Variants in UBAP2 observed in about 807,000 individuals in gnomAD.
The protein encoded by UBAP2 is ubiquitin associated protein 2.
A neutral mutation model predicts 139.6 loss-of-function variants in UBAP2; 75 were observed. That is an observed-to-expected ratio of 0.54 (90% confidence interval 0.45 to 0.65). The LOEUF is 0.65. UBAP2 is among the 30% of genes least tolerant of loss of function. The probability of loss-of-function intolerance (pLI) is 0.00; values close to 1 mark genes in which losing one functional copy is unlikely to be tolerated. For synonymous variants in UBAP2, 526 were observed against 526.2 expected (o/e 1.00, Z 0.01); for missense variants, 1,368 against 1,369.6 (o/e 1.00, Z 0.02).
chr9:33,922,730 GGCT>G lies in UBAP2; in HGVS notation c.3218_3220del (p.Gln1073del). ...GTGGTGGTGCAGCAGCTGTGAGTGGGGCTGCTGGTGGGCTGGCAAGATGTGTAG... is the reference window on the plus strand; with the variant it reads ...GTGGTGGTGCAGCAGCTGTGAGTGGGGCTGGTGGGCTGGCAAGATGTGTAG... On this transcript the variant is annotated inframe_deletion, in exon 28 of 29. Transcript: ENST00000379238. 6.4e-7 allele frequency: 1 copy of G among 1,552,354 alleles called. No homozygotes were observed. Among genetic ancestry groups the G allele is most frequent in the Non-Finnish European group, 8.7e-7 (1 of 1,150,046 alleles).
At chr9:33,939,165 A>G (rs1456125862) in intron 16 of UBAP2, among the ~76,000 whole-genome samples, 5 of 149,704 alleles carry the variant, frequency 3.3e-5, no homozygotes, top group Admixed American at 6.7e-5. Flanking sequence ...ACATAGCTTA[A>G]TAACATTATT....
In UBAP2 at chr9:33,958,891, G is replaced by A. The variant is rs555713757; in HGVS notation, c.798+1935C>T. ...AGGCCGGGCGCAGTGGCTCATGCCT[G>A]TAATCCCAGACCTTTGAGAAGCCAA... On this transcript the variant is annotated intron_variant, in intron 10 of 28. Transcript: ENST00000379238. Among the ~76,000 whole-genome samples the A allele has an allele frequency of 1.8e-4, 28 of 151,846 alleles. 1 individual carries two copies. Among genetic ancestry groups the A allele is most frequent in the African/African-American group, 6.3e-4 (26 of 41,462 alleles).
intron 10 of UBAP2, among the ~76,000 whole-genome samples, chr9:33,958,616 C>T (rs1826763098): frequency 1.3e-5 from 2 of 150,876 alleles, no homozygotes; most frequent in Admixed American, 1.3e-4. Context: ...CCACGTTGGC[C>T]AGGCTTGTCT....
chr9:34,024,793 G>A (rs890066661), intron 1 of UBAP2, among the ~76,000 whole-genome samples: 1 of 152,158 alleles, frequency 6.6e-6, no homozygotes, highest in East Asian at 1.9e-4. Flanking sequence ...AGACCAGCCT[G>A]GCAAACATGG....
chr9:33,965,070 T>C (rs1011302507), intron 8 of UBAP2, among the ~76,000 whole-genome samples: 7 of 152,218 alleles, frequency 4.6e-5, no homozygotes, highest in African/African-American at 9.6e-5. Context: ...TAAATGCAAA[T>C]ATTTTGCTTT....
chr9:33,928,118 G>T, intron 19 of UBAP2, 126 bp from the exon 20 acceptor site: 1 of 1,010,058 alleles, frequency 9.9e-7, no homozygotes, highest in Non-Finnish European at 1.4e-6. Flanking sequence ...TAACCACCCA[G>T]GCTCCCTTAA....
At chr9:33,990,826 G>A (rs182497518) in intron 4 of UBAP2, among the ~76,000 whole-genome samples, 88 of 151,804 alleles carry the variant, frequency 5.8e-4, no homozygotes, top group African/African-American at 1.9e-3. Flanking sequence ...TAGTAGAGAC[G>A]GGGTTTCACC....
intron 8 of UBAP2, among the ~76,000 whole-genome samples, chr9:33,966,580 A>G (rs1412578864): frequency 6.6e-6 from 1 of 152,228 alleles, no homozygotes; most frequent in African/African-American, 2.4e-5. Flanking sequence ...TGAGTCTTCT[A>G]ATTCATGAAC....
At chr9:34,004,438 T>G (rs1002538350) in intron 2 of UBAP2, among the ~76,000 whole-genome samples, 1 of 151,516 alleles carries the variant, frequency 6.6e-6, no homozygotes, top group South Asian at 2.1e-4. Flanking sequence ...TGAGCCAAGA[T>G]GGCGCCACTG....
intron 8 of UBAP2, chr9:33,968,201 G>A (rs1827616218): frequency 4.9e-6 from 3 of 615,418 alleles, no homozygotes; most frequent in Middle Eastern, 2.8e-4. Flanking sequence ...TGGTGCATTC[G>A]ATTGGTACAG....
intron 10 of UBAP2, among the ~76,000 whole-genome samples, chr9:33,959,952 C>G (rs2131004194): frequency 6.6e-6 from 1 of 152,062 alleles, no homozygotes; most frequent in Non-Finnish European, 1.5e-5. Context: ...TGTTTGTTTG[C>G]TTTAAGATGG....
At chr9:33,982,586 T>C (rs887769610) in intron 6 of UBAP2, among the ~76,000 whole-genome samples, 2 of 152,138 alleles carry the variant, frequency 1.3e-5, no homozygotes, top group Non-Finnish European at 2.9e-5. Flanking sequence ...CCGGTATATA[T>C]ACTGATGAGA....
chr9:33,949,725 A>ACG (rs1184263489), intron 12 of UBAP2, among the ~76,000 whole-genome samples: 3 of 152,088 alleles, frequency 2.0e-5, no homozygotes, highest in African/African-American at 7.2e-5. Context: ...GCGCGCATGC[A>ACG]CGCGCACACA....
chr9:34,048,349 G>C (rs1204510840), intron 1 of UBAP2, among the ~76,000 whole-genome samples: 1 of 152,184 alleles, frequency 6.6e-6, no homozygotes, highest in African/African-American at 2.4e-5. Flanking sequence ...GTGACTCCGG[G>C]TAAGCCAGGA....
At chr9:33,943,218 C>G (rs1408198764) in intron 15 of UBAP2, among the ~76,000 whole-genome samples, 2 of 152,122 alleles carry the variant, frequency 1.3e-5, no homozygotes, top group Non-Finnish European at 2.9e-5. Flanking sequence ...GTAGGCAAAT[C>G]CAGAGACAGA....
At chr9:33,968,534 G>GC (rs1246348170) in intron 8 of UBAP2, 3 of 426,444 alleles carry the variant, frequency 7.0e-6, no homozygotes, top group Non-Finnish European at 1.4e-5. Context: ...GGAATCAAGG[G>GC]CCATTATCAG....
At chr9:33,923,338 T>G in intron 25 of UBAP2, 41 bp downstream of exon 25, 5 of 1,614,040 alleles carry the variant, frequency 3.1e-6, no homozygotes, top group Non-Finnish European at 3.4e-6. Context: ...CAGGCAAGCC[T>G]GTCTAACCCC....
intron 18 of UBAP2, among the ~76,000 whole-genome samples, 200 bp downstream of exon 18, chr9:33,933,290 G>A (rs952494621): frequency 6.6e-6 from 1 of 152,144 alleles, no homozygotes; most frequent in Admixed American, 6.5e-5. Context: ...CAGCAGAGGC[G>A]GTACAAGCAG....
At chr9:34,038,728 C>A (rs1236321265) in intron 1 of UBAP2, among the ~76,000 whole-genome samples, 1 of 152,110 alleles carries the variant, frequency 6.6e-6, no homozygotes, top group African/African-American at 2.4e-5. Context: ...TGAGGAGCAT[C>A]TCTGCCTGGC....
Sources: gnomAD v4.1 joint callset for allele counts (sites outside exome capture counted in the v4.1 genomes callset) on GRCh38, gnomAD v4.1.1 for gene constraint, MANE v1.5 for transcripts, NCBI Gene and HGNC (gene_info 2026-07-23, HGNC 2026-07-21) for gene names.